EMSY: variants seen among roughly 807,000 people sequenced by gnomAD.
EMSY encodes BRCA2-interacting transcriptional repressor EMSY.
A neutral mutation model predicts 134.6 loss-of-function variants in EMSY; 26 were observed. That is an observed-to-expected ratio of 0.19 (90% CI 0.14 to 0.27). EMSY has a LOEUF of 0.27. EMSY is among the 10% of genes least tolerant of loss of function. EMSY has a pLI of 1.00. For synonymous variants in EMSY, 579 were observed against 577.8 expected (o/e 1.00, Z -0.03); for missense variants, 1,305 against 1,611.4 (o/e 0.81, Z 3.26).
chr11:76,485,163 A>G (rs1047187313), intron 8 of EMSY, among the ~76,000 whole-genome samples: 2 of 152,200 alleles, frequency 1.3e-5, no homozygotes, highest in Non-Finnish European at 2.9e-5. Flanking sequence ...ATTCCAAGCA[A>G]TAGAAAAAGA....
At position 76,516,080 on chromosome 11, in the gene EMSY, A is replaced by G. The variant is rs182115267; in HGVS notation, c.1514-62A>G. ...TTATATGGAATTACAGTTAAACTGT[A>G]TTAATTATCATTCTTCTGTAAGCAA... On this transcript the variant is annotated intron_variant, in intron 10 of 20. Coordinates refer to ENST00000334736, the Ensembl canonical transcript of EMSY. 2.5e-4 allele frequency: 354 copies of G among 1,400,894 alleles called. 9 individuals are homozygous for G. The Admixed American group carries it at 6.6e-3, about 26-fold the overall frequency. The allele number at this position is 1,400,894 out of a possible 1,614,324, so 86.8% of individuals were successfully genotyped here.
intron 16 of EMSY, 82 bp from the exon 18 acceptor site, chr11:76,539,517 A>T: frequency 7.1e-7 from 1 of 1,415,986 alleles, no homozygotes; most frequent in Non-Finnish European, 1.0e-6. Flanking sequence ...GGGGAACATA[A>T]ATAACCTCTG....
At chr11:76,525,352 A>AT (rs1217552380) in intron 12 of EMSY, among the ~76,000 whole-genome samples, 1 of 152,140 alleles carries the variant, frequency 6.6e-6, no homozygotes, top group African/African-American at 2.4e-5. Context: ...TAAAATTGTG[A>AT]TTTTTGTAAT....
chr11:76,465,933 G>A (rs950856519), intron 7 of EMSY, among the ~76,000 whole-genome samples: 2 of 152,084 alleles, frequency 1.3e-5, no homozygotes, highest in African/African-American at 2.4e-5. Context: ...CTGTCTTTAG[G>A]GCTTTTGTTT....
chr11:76,495,926 G>C (rs1409398995), intron 8 of EMSY, among the ~76,000 whole-genome samples: 2 of 151,986 alleles, frequency 1.3e-5, no homozygotes, highest in Non-Finnish European at 2.9e-5. Context: ...GACAGGTCTG[G>C]GAACATCCTG....
At chr11:76,485,569 C>T (rs1010143178) in intron 8 of EMSY, among the ~76,000 whole-genome samples, 1 of 152,124 alleles carries the variant, frequency 6.6e-6, no homozygotes, top group African/African-American at 2.4e-5. Context: ...AGCTATTTAT[C>T]ACAAACCCAC....
At chr11:76,527,855 A>G (rs1351629603) in intron 13 of EMSY, among the ~76,000 whole-genome samples, 3 of 152,012 alleles carry the variant, frequency 2.0e-5, no homozygotes, top group African/African-American at 2.4e-5. Context: ...TTATATTAAT[A>G]AAAGTTCAGA....
At chr11:76,513,462 T>C (rs1184647618) in exon 10 of EMSY, 6 of 1,613,776 alleles carry the variant, frequency 3.7e-6, no homozygotes, top group Non-Finnish European at 5.1e-6. Flanking sequence ...TACCCACCAG[T>C]AGCAATTCCC....
At chr11:76,533,291 A>G (rs1951108639) in intron 14 of EMSY, among the ~76,000 whole-genome samples, 1 of 152,114 alleles carries the variant, frequency 6.6e-6, no homozygotes, top group Admixed American at 6.6e-5. Context: ...GTGGGGACAT[A>G]GGAGCTTTTG....
intron 13 of EMSY, among the ~76,000 whole-genome samples, chr11:76,527,184 CT>C (rs548384069): frequency 2.0e-4 from 31 of 152,112 alleles, no homozygotes; most frequent in African/African-American, 7.5e-4. Context: ...AGGTATTTTG[CT>C]TTTCTGAGAA....
chr11:76,505,781 C>CG (rs34381955), intron 9 of EMSY, among the ~76,000 whole-genome samples: 1 of 151,758 alleles, frequency 6.6e-6, no homozygotes, highest in African/African-American at 2.4e-5. Context: ...CGCGTGAACC[C>CG]GGGGGGTGGA....
intron 9 of EMSY, among the ~76,000 whole-genome samples, chr11:76,501,801 A>T (rs1284736578): frequency 6.6e-6 from 1 of 152,178 alleles, no homozygotes. Flanking sequence ...ACTTTTCCAA[A>T]TTTATTGAAA....
At chr11:76,528,393 G>A (rs1232728232) in exon 14 of EMSY, 3 of 1,612,234 alleles carry the variant, frequency 1.9e-6, no homozygotes, top group Non-Finnish European at 2.5e-6. Context: ...CATCTATTCA[G>A]GAAGGAAAAG....
At chr11:76,509,210 A>T (rs1243463052) in intron 9 of EMSY, among the ~76,000 whole-genome samples, 1 of 152,136 alleles carries the variant, frequency 6.6e-6, no homozygotes, top group African/African-American at 2.4e-5. Flanking sequence ...GACTTACTCG[A>T]CGTGGGGTTG....
exon 2 of EMSY, chr11:76,446,915 T>TG (rs1947438562): frequency 6.2e-7 from 1 of 1,610,056 alleles, no homozygotes; most frequent in African/African-American, 1.3e-5. Context: ...ACAAGCTCTT[T>TG]GGGGCTACCA....
At chr11:76,540,521 C>T (rs1249613569) in intron 17 of EMSY, among the ~76,000 whole-genome samples, 1 of 152,122 alleles carries the variant, frequency 6.6e-6, no homozygotes, top group Non-Finnish European at 1.5e-5. Context: ...ACTGGTGATG[C>T]TGCCTATAAT....
intron 12 of EMSY, 33 bp from the exon 14 acceptor site, chr11:76,526,429 A>G: frequency 6.5e-7 from 1 of 1,529,132 alleles, no homozygotes; most frequent in Non-Finnish European, 8.8e-7. Flanking sequence ...ATATGCATAT[A>G]AATCTCTTAT....
At chr11:76,515,793 T>C (rs895313956) in intron 10 of EMSY, among the ~76,000 whole-genome samples, 6 of 152,158 alleles carry the variant, frequency 3.9e-5, no homozygotes, top group African/African-American at 1.4e-4. Context: ...ATATCTAAAA[T>C]ACTCTGGCAG....
chr11:76,481,848 C>T (rs1948994654), intron 8 of EMSY, among the ~76,000 whole-genome samples: 1 of 152,176 alleles, frequency 6.6e-6, no homozygotes, highest in Non-Finnish European at 1.5e-5. Flanking sequence ...TTCCTGCCTG[C>T]CAGCTCTGAA....
Sources: allele counts gnomAD v4.1 joint callset (sites outside exome capture counted in the v4.1 genomes callset), GRCh38; gene constraint gnomAD v4.1.1; transcripts MANE v1.5; gene names NCBI Gene and HGNC (gene_info 2026-07-23, HGNC 2026-07-21).